ERCC6: variants seen among roughly 807,000 people sequenced by gnomAD.
ERCC6 encodes the protein DNA excision repair protein ERCC-6.
In ERCC6, 116 loss-of-function variants were observed where a neutral mutation model predicts 158.7. That is an observed-to-expected ratio of 0.73 (90% CI 0.63 to 0.85). The LOEUF (loss-of-function observed/expected upper bound fraction) is 0.85. Ranked by LOEUF, ERCC6 falls within the 40% of genes least tolerant of loss-of-function variation. ERCC6 has a pLI of 0.00. For missense variants in ERCC6, 1,698 were observed against 1,799.4 expected, an observed-to-expected ratio of 0.94 and a Z score of 1.02; for synonymous variants, 678 against 659.3, an observed-to-expected ratio of 1.03 and a Z score of -0.43.
chr10:49,449,049 T>C, the ERCC6 span, among the ~76,000 whole-genome samples: 4 of 152,192 alleles, frequency 2.6e-5, no homozygotes, highest in East Asian at 1.9e-4. Flanking sequence ...ATTTGAGAAA[T>C]TGCAACTGTT....
At chr10:49,491,759 A>G (rs991006364) in intron 8 of ERCC6, among the ~76,000 whole-genome samples, 6 of 152,218 alleles carry the variant, frequency 3.9e-5, no homozygotes, top group African/African-American at 1.2e-4. Context: ...AATGAAAGGA[A>G]TAACATTTTT....
intron 5 of ERCC6, among the ~76,000 whole-genome samples, chr10:49,517,915 T>G (rs1837033087): frequency 6.6e-6 from 1 of 152,232 alleles, no homozygotes; most frequent in Admixed American, 6.5e-5. Context: ...TATTTAGGTT[T>G]CTGGATAAAA....
At chr10:49,503,793 A>AT (rs1308162526) in intron 6 of ERCC6, 1 of 152,164 alleles carries the variant, frequency 6.6e-6, no homozygotes, top group African/African-American at 2.4e-5. Context: ...ACAGTTAAAG[A>AT]TTTTTATGAA....
At chr10:49,516,452 C>T in intron 5 of ERCC6, 3 of 1,614,170 alleles carry the variant, frequency 1.9e-6, no homozygotes, top group Non-Finnish European at 2.5e-6. Context: ...TAGTTTCAAA[C>T]CGGTCACGTC....
intron 6 of ERCC6, chr10:49,502,275 C>A (rs1444803927): frequency 6.6e-6 from 1 of 152,142 alleles, no homozygotes; most frequent in Non-Finnish European, 1.5e-5. Context: ...TAAATGAGAA[C>A]TTTGCTGCTT....
chr10:49,496,190 C>G (rs1303924666), intron 7 of ERCC6, among the ~76,000 whole-genome samples: 1 of 152,166 alleles, frequency 6.6e-6, no homozygotes, highest in Admixed American at 6.6e-5. Flanking sequence ...ACAAAGCCTT[C>G]CCTGTCCCTT....
In ERCC6 at chr10:49,470,313, T is replaced by C. The variant is rs1850750666; in HGVS notation, c.3647A>G (p.Lys1216Arg). ...PKNSKHCRDA[K>R]FEGTRIPHLV... ...GTGTGGAATTCGAGTTCCTTCAAAC[T>C]TGGCGTCTCTGCAATGCTTAGAGTT... The change falls in exon 18 of 21, where the codon AAG becomes AGG. Residue 1216 changes from lysine to arginine, a missense_variant. Lys to Arg is a conservative substitution (Grantham distance 26, BLOSUM62 2). Coordinates refer to ENST00000355832, the MANE Select transcript of ERCC6 (RefSeq NM_000124.4). 1.2e-6 allele frequency: 2 copies of C among 1,614,202 alleles called. No individual in the cohort carries two copies. The highest frequency in any genetic ancestry group is 1.7e-6 in the Non-Finnish European group (2 of 1,180,032).
intron 20 of ERCC6, 113 bp from the exon 21 acceptor site, chr10:49,459,347 G>A: frequency 8.7e-7 from 1 of 1,150,520 alleles, no homozygotes; most frequent in Admixed American, 1.8e-5. Flanking sequence ...GGGTGGTGAG[G>A]TTGACAGGGT....
chr10:49,447,026 A>C, the ERCC6 span, among the ~76,000 whole-genome samples: 1 of 152,336 alleles, frequency 6.6e-6, no homozygotes, highest in African/African-American at 2.4e-5. Context: ...ACTGAACCAG[A>C]AGGGGAAAAA....
chr10:49,477,891 A>C (rs1850906763), intron 11 of ERCC6, among the ~76,000 whole-genome samples: 1 of 152,182 alleles, frequency 6.6e-6, no homozygotes, highest in Non-Finnish European at 1.5e-5. Context: ...CCTTGCCCTC[A>C]GCATTCCCAG....
At chr10:49,492,533 T>C (rs1179884664) in intron 8 of ERCC6, among the ~76,000 whole-genome samples, 4 of 152,224 alleles carry the variant, frequency 2.6e-5, no homozygotes, top group Admixed American at 6.5e-5. Flanking sequence ...ACAACGTATC[T>C]ATGCTACCCA....
In ERCC6 at chr10:49,459,032, G is replaced by C. The variant is rs1376795874; in HGVS notation, c.4265C>G (p.Thr1422Arg). Residue 1422 changes from threonine to arginine, a missense_variant, in exon 21 of 21, where the codon ACA becomes AGA. Thr to Arg is a moderately conservative substitution (Grantham distance 71, BLOSUM62 -1). Coordinates refer to ENST00000355832, the MANE Select transcript of ERCC6 (RefSeq NM_000124.4). ...LQEASALLPTTEHDDLLVEMR... is the reference protein window; with the variant it reads ...LQEASALLPTREHDDLLVEMR... Reference sequence around the variant, plus strand: ...CTCCACCAGAAGGTCATCGTGTTCTGTGGTGGGCAGCAGGGCAGAAGCTTC... The same window carrying C: ...CTCCACCAGAAGGTCATCGTGTTCTCTGGTGGGCAGCAGGGCAGAAGCTTC... 16 of 1,614,074 alleles carry C rather than the reference G, an allele frequency of 9.9e-6. No individual in the cohort carries two copies. The highest frequency in any genetic ancestry group is 1.4e-5 in the Non-Finnish European group (16 of 1,180,038).
At chr10:49,504,952 G>A (rs1564431815) in intron 6 of ERCC6, 1 of 152,098 alleles carries the variant, frequency 6.6e-6, no homozygotes, top group Non-Finnish European at 1.5e-5. Context: ...AAAATATAAA[G>A]AGCATGCTGT....
At chr10:49,534,222 C>A (rs1837544140) in intron 1 of ERCC6, among the ~76,000 whole-genome samples, 1 of 151,282 alleles carries the variant, frequency 6.6e-6, no homozygotes, top group Non-Finnish European at 1.5e-5. Flanking sequence ...GAATTCAAAG[C>A]CTGATAGATA....
chr10:49,448,495 A>G, the ERCC6 span, among the ~76,000 whole-genome samples: 4 of 152,236 alleles, frequency 2.6e-5, no homozygotes, highest in Admixed American at 6.5e-5. Flanking sequence ...CAGTAGTACA[A>G]TTCAGTAGCT....
At chr10:49,453,548 A>AATCAGT (rs1329750888), downstream of ERCC6, among the ~76,000 whole-genome samples, 5 of 152,270 alleles carry the variant, frequency 3.3e-5, no homozygotes, top group African/African-American at 1.2e-4. Context: ...GTTGCATTTT[A>AATCAGT]ATCAGTTAAG....
chr10:49,511,011 CA>C (rs753649748), intron 5 of ERCC6, among the ~76,000 whole-genome samples: 1,815 of 117,958 alleles, frequency 0.015, 22 homozygotes, highest in East Asian at 0.055. Context: ...AATCTTATAA[CA>C]AAAAAAAAAA....
the ERCC6 span, among the ~76,000 whole-genome samples, chr10:49,445,873 C>G: frequency 6.6e-6 from 1 of 152,138 alleles, no homozygotes; most frequent in Non-Finnish European, 1.5e-5. Flanking sequence ...AGAATCAGAA[C>G]TGAGACCCCC....
the ERCC6 span, among the ~76,000 whole-genome samples, chr10:49,446,258 C>CACACA: frequency 1.3e-5 from 1 of 76,630 alleles, no homozygotes; most frequent in African/African-American, 4.8e-5. Flanking sequence ...CACACACACA[C>CACACA]CCCCCAATTT....
Sources: allele counts gnomAD v4.1 joint callset (sites outside exome capture counted in the v4.1 genomes callset), GRCh38; gene constraint gnomAD v4.1.1; transcripts MANE v1.5; gene names NCBI Gene and HGNC (gene_info 2026-07-23, HGNC 2026-07-21).